The following QPCTL variants were observed in gnomAD, a reference collection of about 807,000 sequenced individuals.
QPCTL encodes glutaminyl-peptide cyclotransferase like.
In QPCTL, 31 loss-of-function variants were observed where a neutral mutation model predicts 34.6. The observed-to-expected ratio is 0.90, with a 90% CI of 0.67 to 1.21. The LOEUF is 1.21. Ranked by LOEUF, QPCTL falls within the 50% of genes most tolerant of loss-of-function variation. The probability of loss-of-function intolerance (pLI) is 0.00; values close to 1 mark genes in which losing one functional copy is unlikely to be tolerated. For synonymous variants in QPCTL, 223 were observed against 226.9 expected, an observed-to-expected ratio of 0.98 and a Z score of 0.15; for missense variants, 474 against 507.8, an observed-to-expected ratio of 0.93 and a Z score of 0.64.
intron 1 of QPCTL, among the ~76,000 whole-genome samples, 175 bp from the exon 2 acceptor site, chr19:45,693,238 A>C (rs1171259333): frequency 6.6e-6 from 1 of 152,004 alleles, no homozygotes. Flanking sequence ...GCTGGACCGG[A>C]TGGTCTTGGA....
Position 45,703,337 on chromosome 19 carries a change from C to CTTT in QPCTL, c.*297_*299dup. 6.8e-5 allele frequency: 17 copies of CTTT among 248,666 alleles called. No individual in the cohort carries two copies. The highest frequency in any genetic ancestry group is 1.2e-4 in the South Asian group (2 of 16,254). The allele number at this position is 248,666 out of a possible 1,614,324, so 15.4% of individuals were successfully genotyped here. A position where few individuals can be genotyped will look rare whatever the true frequency, so the allele number is the denominator to read the frequency against. ...AGGTTTGCAGGGACCAAATACTGTT[C>CTTT]TTTTTTTTTTTGAGACGGAGTCTCA... On this transcript the variant is annotated 3_prime_UTR_variant, in exon 7 of 7. Transcript: ENST00000012049.
chr19:45,698,236 C>T (rs949495567), intron 3 of QPCTL, among the ~76,000 whole-genome samples: 1 of 150,472 alleles, frequency 6.6e-6, no homozygotes, highest in South Asian at 2.1e-4. Flanking sequence ...GGTGACAGAG[C>T]AAGATTTATT....
At chr19:45,692,960 C>G in intron 1 of QPCTL, 50 bp downstream of exon 1, 1 of 1,498,042 alleles carries the variant, frequency 6.7e-7, no homozygotes, top group Non-Finnish European at 8.9e-7. Flanking sequence ...ATTCCCTCCC[C>G]GCTGTTACCC....
At chr19:45,694,164 G>A (rs988111935) in intron 2 of QPCTL, among the ~76,000 whole-genome samples, 1 of 152,124 alleles carries the variant, frequency 6.6e-6, no homozygotes, top group African/African-American at 2.4e-5. Context: ...CAGATCCCTC[G>A]AGATCAGGAG....
At chr19:45,699,931 CA>C (rs35011463) in intron 5 of QPCTL, among the ~76,000 whole-genome samples, 37 of 90,062 alleles carry the variant, frequency 4.1e-4, no homozygotes, top group Admixed American at 7.9e-4. Flanking sequence ...GACTCCATCT[CA>C]AAAAAAAAAA....
Position 45,703,795 on chromosome 19 carries a change from A to T in QPCTL, c.*746A>T, listed in dbSNP as rs1185217307. 6.6e-6 allele frequency: 1 copy of T among 151,986 alleles called. No individual in the cohort carries two copies. Among genetic ancestry groups the T allele is most frequent in the Non-Finnish European group, 1.5e-5 (1 of 68,032 alleles). 9.4% of individuals were successfully genotyped at this position (151,986 alleles called of 1,614,324 possible). ...TGGCGAAACCCTGTCTCTACTAAAA[A>T]TACAATAATTAGCTGGGCATGGTGG... On this transcript the variant is annotated 3_prime_UTR_variant, in exon 7 of 7. Coordinates refer to ENST00000012049, the MANE Select transcript of QPCTL (RefSeq NM_017659.4).
At chr19:45,693,630 C>A in intron 2 of QPCTL, 74 bp downstream of exon 2, 1 of 1,500,992 alleles carries the variant, frequency 6.7e-7, no homozygotes, top group South Asian at 1.4e-5. Context: ...TGTTCAAGAT[C>A]CCAAAGAAGC....
intron 3 of QPCTL, 46 bp from the exon 4 acceptor site, chr19:45,698,501 G>T: frequency 6.2e-7 from 1 of 1,609,502 alleles, no homozygotes; most frequent in Non-Finnish European, 8.5e-7. Context: ...TGAGGCTGAG[G>T]GCTAGTCCTG....
Position 45,703,870 on chromosome 19 carries a change from T to A in QPCTL, c.*821T>A, listed in dbSNP as rs535513342. On this transcript the variant is annotated 3_prime_UTR_variant, in exon 7 of 7. Transcript: ENST00000012049. Reference sequence around the variant, plus strand: ...TGGGAGGCTGAGGCAGGAGAATCACTTGTACGCAGGAGGCGGAGGTTGCAG... The same window carrying A: ...TGGGAGGCTGAGGCAGGAGAATCACATGTACGCAGGAGGCGGAGGTTGCAG... The A allele has an allele frequency of 6.6e-6, 1 of 152,060 alleles. No homozygotes were observed. The highest frequency in any genetic ancestry group is 2.4e-5 in the African/African-American group (1 of 41,490). The allele number at this position is 152,060 out of a possible 1,614,324, so 9.4% of individuals were successfully genotyped here.
intron 5 of QPCTL, among the ~76,000 whole-genome samples, chr19:45,701,339 A>G (rs1465776790): frequency 6.6e-5 from 10 of 150,812 alleles, no homozygotes; most frequent in Admixed American, 6.6e-4. Flanking sequence ...GCAGTGGTGC[A>G]ATCTCAGCTC....
intron 5 of QPCTL, among the ~76,000 whole-genome samples, chr19:45,701,201 C>G (rs1222299113): frequency 6.6e-6 from 1 of 152,024 alleles, no homozygotes; most frequent in Non-Finnish European, 1.5e-5. Flanking sequence ...TGAAGGATCA[C>G]TTAGGCCAGC....
chr19:45,698,706 C>A lies in QPCTL; in HGVS notation c.786+7C>A. ...CACCAGGATCCAGGCTATTGTAAGACCAGGGTCCCCTGGCTTCTGGCGAGG... is the reference window on the plus strand; with the variant it reads ...CACCAGGATCCAGGCTATTGTAAGAACAGGGTCCCCTGGCTTCTGGCGAGG... On this transcript the variant is annotated splice_region_variant and intron_variant, in intron 4 of 6. Transcript: ENST00000012049. 1 of 1,614,006 alleles carries A rather than the reference C, an allele frequency of 6.2e-7. No individual in the cohort carries two copies. Among genetic ancestry groups the A allele is most frequent in the South Asian group, 1.1e-5 (1 of 91,082 alleles).
chr19:45,700,430 C>T (rs1041060154), intron 5 of QPCTL, among the ~76,000 whole-genome samples: 2 of 151,344 alleles, frequency 1.3e-5, no homozygotes, highest in Non-Finnish European at 2.9e-5. Flanking sequence ...GGTGACAGAG[C>T]GAGACTCTGT....
chr19:45,696,014 G>A (rs905882823), intron 3 of QPCTL, among the ~76,000 whole-genome samples: 3 of 152,028 alleles, frequency 2.0e-5, no homozygotes, highest in African/African-American at 4.8e-5. Flanking sequence ...GATTACAGGC[G>A]TGAGCCACCG....
At chr19:45,696,878 T>C (rs1208681881) in intron 3 of QPCTL, among the ~76,000 whole-genome samples, 2 of 152,078 alleles carry the variant, frequency 1.3e-5, no homozygotes, top group Non-Finnish European at 2.9e-5. Context: ...ATCCCAGCAC[T>C]TTGGGAGGCC....
chr19:45,693,162 A>G (rs1967608162), intron 1 of QPCTL, among the ~76,000 whole-genome samples: 1 of 152,134 alleles, frequency 6.6e-6, no homozygotes, highest in Non-Finnish European at 1.5e-5. Context: ...ACTATTTGGA[A>G]GAGTCCCTTC....
In QPCTL at chr19:45,701,778, C is replaced by G. The variant is rs1179651371; in HGVS notation, c.887-20C>G. On this transcript the variant is annotated intron_variant, in intron 5 of 6. Transcript: ENST00000012049. Reference sequence around the variant, plus strand: ...ACTACTAAGGACTAACCCTTCCTCTCTAATCGCCCCCACTTCCAGAGAAGC... The same window carrying G: ...ACTACTAAGGACTAACCCTTCCTCTGTAATCGCCCCCACTTCCAGAGAAGC... 1.3e-6 allele frequency: 2 copies of G among 1,588,274 alleles called. No individual in the cohort carries two copies. Among genetic ancestry groups the G allele is most frequent in the African/African-American group, 2.7e-5 (2 of 74,028 alleles).
At chr19:45,695,122 C>G (rs938960532) in intron 2 of QPCTL, among the ~76,000 whole-genome samples, 6 of 151,832 alleles carry the variant, frequency 4.0e-5, no homozygotes, top group African/African-American at 1.5e-4. Flanking sequence ...CCCATCTCTA[C>G]TAAAAATACA....
intron 3 of QPCTL, 109 bp downstream of exon 3, chr19:45,695,827 C>A: frequency 7.8e-7 from 1 of 1,288,904 alleles, no homozygotes; most frequent in Non-Finnish European, 1.0e-6. Flanking sequence ...CACTCTACTC[C>A]ACGCACAGAG....
Sources: allele counts gnomAD v4.1 joint callset (sites outside exome capture counted in the v4.1 genomes callset), GRCh38; gene constraint gnomAD v4.1.1; transcripts MANE v1.5; gene names NCBI Gene and HGNC (gene_info 2026-07-23, HGNC 2026-07-21).